The following NKAIN3 variants were observed in gnomAD, a reference collection of about 807,000 sequenced individuals.
NKAIN3 encodes the protein sodium/potassium-transporting ATPase subunit beta-1-interacting protein 3.
In NKAIN3, 25 loss-of-function variants were observed where a neutral mutation model predicts 30.2. The ratio of observed to expected loss-of-function variants is 0.83; its 90% CI spans 0.60 to 1.16. The LOEUF (loss-of-function observed/expected upper bound fraction) is 1.16. Among genes scored for constraint, NKAIN3 ranks in the 50% most tolerant of loss-of-function variants. The pLI is 0.00. For missense variants in NKAIN3, 225 were observed against 254.1 expected, an observed-to-expected ratio of 0.89 and a Z score of 0.78; for synonymous variants, 91 against 89.6, an observed-to-expected ratio of 1.02 and a Z score of -0.09.
intron 1 of NKAIN3, among the ~76,000 whole-genome samples, chr8:62,314,935 T>C (rs1814562931): frequency 6.6e-6 from 1 of 152,172 alleles, no homozygotes; most frequent in Non-Finnish European, 1.5e-5. Flanking sequence ...AGAGCTCTGA[T>C]TGTGGAAGTT....
chr8:62,696,477 T>C (rs1382495748), intron 3 of NKAIN3, among the ~76,000 whole-genome samples: 1 of 152,212 alleles, frequency 6.6e-6, no homozygotes, highest in Non-Finnish European at 1.5e-5. Context: ...ACAATGATTC[T>C]AATTATATCT....
intron 4 of NKAIN3, among the ~76,000 whole-genome samples, chr8:62,913,279 T>C (rs1821979748): frequency 6.6e-6 from 1 of 152,214 alleles, no homozygotes; most frequent in Non-Finnish European, 1.5e-5. Context: ...GTGTTTGCTA[T>C]ACTTTTATAT....
At chr8:62,271,893 A>G (rs1812789021) in intron 1 of NKAIN3, among the ~76,000 whole-genome samples, 1 of 152,146 alleles carries the variant, frequency 6.6e-6, no homozygotes, top group Non-Finnish European at 1.5e-5. Context: ...ACTTGCCTCC[A>G]TGTTGCGGTG....
rs540580588 is a variant in NKAIN3, at chr8:62,797,332, T to C, written c.471+50203T>C. On this transcript the variant is annotated intron_variant, in intron 4 of 6. Coordinates refer to ENST00000623646, the MANE Select transcript of NKAIN3 (RefSeq NM_001304533.3). Reference sequence around the variant, plus strand: ...ATCCACATAATAGACTCCTTGGTCATAGGTGAATTTAGCAGCAGGCACTTT... The same window carrying C: ...ATCCACATAATAGACTCCTTGGTCACAGGTGAATTTAGCAGCAGGCACTTT... Among the ~76,000 whole-genome samples, 31 of 152,312 alleles carry C rather than the reference T, an allele frequency of 2.0e-4. No individual in the cohort carries two copies. In the South Asian group the frequency reaches 6.0e-3, roughly 30 times the overall value.
intron 2 of NKAIN3, among the ~76,000 whole-genome samples, chr8:62,586,208 A>G (rs1810467580): frequency 6.6e-6 from 1 of 152,176 alleles, no homozygotes; most frequent in African/African-American, 2.4e-5. Flanking sequence ...CTGCTATGTC[A>G]GCATAAATCC....
At chr8:62,460,248 C>T (rs977256502) in intron 1 of NKAIN3, among the ~76,000 whole-genome samples, 1 of 151,750 alleles carries the variant, frequency 6.6e-6, no homozygotes, top group East Asian at 1.9e-4. Flanking sequence ...CCCGTCTCTA[C>T]TAAAAATACA....
intron 2 of NKAIN3, among the ~76,000 whole-genome samples, chr8:62,582,134 T>TCTTCCTTC (rs139118595): frequency 7.5e-5 from 9 of 119,848 alleles, no homozygotes; most frequent in Middle Eastern, 3.9e-3. Flanking sequence ...TTCCTTCCTT[T>TCTTCCTTC]CTTCCTTCCT....
intron 1 of NKAIN3, among the ~76,000 whole-genome samples, chr8:62,409,118 GT>G (rs1804162729): frequency 6.6e-6 from 1 of 152,040 alleles, no homozygotes; most frequent in Admixed American, 6.6e-5. Context: ...ACAAGTTAGT[GT>G]TCTGTGCTAT....
intron 6 of NKAIN3, among the ~76,000 whole-genome samples, chr8:62,958,459 C>G (rs1823484352): frequency 6.6e-6 from 1 of 152,022 alleles, no homozygotes; most frequent in Non-Finnish European, 1.5e-5. Flanking sequence ...TCCATCACCA[C>G]CCCCACTCAC....
intron 1 of NKAIN3, among the ~76,000 whole-genome samples, chr8:62,253,073 A>G (rs938564276): frequency 1.3e-5 from 2 of 152,212 alleles, no homozygotes; most frequent in African/African-American, 4.8e-5. Context: ...TGGCATGTTC[A>G]ACACATCTTC....
chr8:62,416,388 G>A (rs868750427), intron 1 of NKAIN3, among the ~76,000 whole-genome samples: 53 of 152,164 alleles, frequency 3.5e-4, no homozygotes, highest in African/African-American at 1.2e-3. Context: ...CTTCAAAAAA[G>A]TTTTCATTTT....
chr8:62,560,210 T>C (rs1344944071), intron 1 of NKAIN3, among the ~76,000 whole-genome samples: 1 of 152,158 alleles, frequency 6.6e-6, no homozygotes, highest in Non-Finnish European at 1.5e-5. Flanking sequence ...TGTTTAAATT[T>C]CTGAAGTTTA....
At chr8:62,310,901 C>G (rs1814406576) in intron 1 of NKAIN3, among the ~76,000 whole-genome samples, 1 of 150,354 alleles carries the variant, frequency 6.7e-6, no homozygotes, top group South Asian at 2.1e-4. Flanking sequence ...AAAAATATTC[C>G]TCTTCAGACT....
intron 1 of NKAIN3, among the ~76,000 whole-genome samples, chr8:62,449,721 G>C (rs1029431778): frequency 1.3e-5 from 2 of 151,998 alleles, no homozygotes; most frequent in Admixed American, 6.6e-5. Context: ...ATCCATAAGC[G>C]TATTTTTCCC....
intron 1 of NKAIN3, among the ~76,000 whole-genome samples, chr8:62,395,742 A>G (rs1303068802): frequency 6.6e-6 from 1 of 152,224 alleles, no homozygotes; most frequent in Admixed American, 6.5e-5. Context: ...TTTGATAGAT[A>G]TCTTAAGCTT....
intron 4 of NKAIN3, among the ~76,000 whole-genome samples, chr8:62,839,708 T>G (rs1025751523): frequency 6.6e-6 from 1 of 152,038 alleles, no homozygotes; most frequent in Non-Finnish European, 1.5e-5. Flanking sequence ...GCCCAACTCC[T>G]GGGCTCAAGC....
At chr8:62,671,100 T>C (rs1813288505) in intron 3 of NKAIN3, among the ~76,000 whole-genome samples, 1 of 152,312 alleles carries the variant, frequency 6.6e-6, no homozygotes, top group Non-Finnish European at 1.5e-5. Context: ...ACTTTTGAAA[T>C]GGTTTAGCAT....
chr8:62,523,536 A>G (rs1808216588), intron 1 of NKAIN3, among the ~76,000 whole-genome samples: 1 of 152,188 alleles, frequency 6.6e-6, no homozygotes, highest in African/African-American at 2.4e-5. Flanking sequence ...GCAAACTTGT[A>G]AAAGTGAGTA....
chr8:62,279,865 T>C (rs1429194649), intron 1 of NKAIN3, among the ~76,000 whole-genome samples: 3 of 152,210 alleles, frequency 2.0e-5, no homozygotes, highest in African/African-American at 7.2e-5. Context: ...GGGCTCTTTT[T>C]TGGTTCCATA....
Sources: allele counts gnomAD v4.1 joint callset (sites outside exome capture counted in the v4.1 genomes callset), GRCh38; gene constraint gnomAD v4.1.1; transcripts MANE v1.5; gene names NCBI Gene and HGNC (gene_info 2026-07-23, HGNC 2026-07-21).